ARHGAP42: variants seen among roughly 807,000 people sequenced by gnomAD.
ARHGAP42 encodes Rho GTPase activating protein 42, also known as rho GTPase-activating protein 42.
A neutral mutation model predicts 125.0 loss-of-function variants in ARHGAP42; 63 were observed. That is an observed-to-expected ratio of 0.50 (90% CI 0.41 to 0.62). The LOEUF is 0.62. Ranked by LOEUF, ARHGAP42 falls within the 20% of genes least tolerant of loss-of-function variation. The pLI, the probability that ARHGAP42 is intolerant of heterozygous loss-of-function variation, is 0.00. For missense variants in ARHGAP42, 766 were observed against 1,024.2 expected, an observed-to-expected ratio of 0.75 and a Z score of 3.44; for synonymous variants, 339 against 351.0, an observed-to-expected ratio of 0.97 and a Z score of 0.38.
At chr11:100,942,469 T>A (rs1867911855) in intron 9 of ARHGAP42, among the ~76,000 whole-genome samples, 1 of 152,160 alleles carries the variant, frequency 6.6e-6, no homozygotes, top group Admixed American at 6.6e-5. Flanking sequence ...GCAGAGAGCT[T>A]TATTGTCTGT....
intron 8 of ARHGAP42, among the ~76,000 whole-genome samples, chr11:100,939,727 G>T (rs989666981): frequency 6.6e-6 from 1 of 152,020 alleles, no homozygotes; most frequent in Non-Finnish European, 1.5e-5. Context: ...AGACATTTTT[G>T]GGAACTGTAG....
intron 17 of ARHGAP42, among the ~76,000 whole-genome samples, chr11:100,969,375 T>G (rs1158951750): frequency 6.6e-6 from 1 of 152,158 alleles, no homozygotes; most frequent in Non-Finnish European, 1.5e-5. Context: ...GTTGAGCTTC[T>G]TGGATATATA....
At chr11:100,870,549 A>T (rs984859029) in intron 4 of ARHGAP42, among the ~76,000 whole-genome samples, 1 of 152,192 alleles carries the variant, frequency 6.6e-6, no homozygotes, top group Non-Finnish European at 1.5e-5. Flanking sequence ...GTTCAGGGTC[A>T]TTGGGTTTCC....
At chr11:100,958,963 C>T (rs1292731796) in intron 12 of ARHGAP42, among the ~76,000 whole-genome samples, 1 of 151,680 alleles carries the variant, frequency 6.6e-6, no homozygotes, top group East Asian at 1.9e-4. Context: ...GTCTGGGGAT[C>T]TATTTTGAGT....
intron 1 of ARHGAP42, among the ~76,000 whole-genome samples, chr11:100,751,694 A>G (rs2120353327): frequency 6.7e-6 from 1 of 149,362 alleles, no homozygotes; most frequent in African/African-American, 2.5e-5. Flanking sequence ...CAGCTCTCCT[A>G]CCAGGCCAGC....
chr11:100,729,755 G>A (rs1434589405), intron 1 of ARHGAP42, among the ~76,000 whole-genome samples: 1 of 151,452 alleles, frequency 6.6e-6, no homozygotes, highest in African/African-American at 2.4e-5. Flanking sequence ...TGACTAGTAT[G>A]AATATCATGT....
chr11:100,895,889 G>A (rs1053669570), intron 4 of ARHGAP42, among the ~76,000 whole-genome samples: 2 of 151,846 alleles, frequency 1.3e-5, no homozygotes, highest in Admixed American at 1.3e-4. Context: ...TGTGCACAAC[G>A]TGTAGGATTG....
intron 1 of ARHGAP42, among the ~76,000 whole-genome samples, chr11:100,747,340 A>G (rs1428620434): frequency 6.6e-6 from 1 of 152,202 alleles, no homozygotes; most frequent in Non-Finnish European, 1.5e-5. Context: ...TGATTTTTAT[A>G]CCAGATAAGC....
chr11:100,688,336 C>A (rs150917731), intron 1 of ARHGAP42, among the ~76,000 whole-genome samples: 10 of 152,224 alleles, frequency 6.6e-5, no homozygotes, highest in African/African-American at 2.4e-4. Context: ...GCAGTTTTGC[C>A]ATTTTGTAAG....
At chr11:100,825,689 G>C (rs1864500753) in intron 3 of ARHGAP42, among the ~76,000 whole-genome samples, 1 of 152,102 alleles carries the variant, frequency 6.6e-6, no homozygotes, top group African/African-American at 2.4e-5. Flanking sequence ...TACGCAGCAT[G>C]CTCCTTAAAT....
intron 3 of ARHGAP42, among the ~76,000 whole-genome samples, chr11:100,836,560 T>G (rs1056548994): frequency 1.3e-5 from 2 of 152,096 alleles, no homozygotes; most frequent in African/African-American, 4.8e-5. Context: ...TTCCCTCTGC[T>G]TTTCCTAATA....
In ARHGAP42 at chr11:100,760,903, G is replaced by C. The variant is rs201782755; in HGVS notation, c.155-9440G>C. Among the ~76,000 whole-genome samples the C allele has an allele frequency of 4.6e-5, 7 of 152,112 alleles. No homozygotes were observed. The East Asian group carries it at 1.4e-3, about 29-fold the overall frequency. ...ATGTTAGGTAATAAAAGGAGAAATG[G>C]GCTGTAACTGAGGCTAACATACTGA... On this transcript the variant is annotated intron_variant, in intron 1 of 23. Coordinates refer to ENST00000298815, the MANE Select transcript of ARHGAP42 (RefSeq NM_152432.4).
intron 7 of ARHGAP42, among the ~76,000 whole-genome samples, chr11:100,935,812 T>C (rs1047652416): frequency 6.6e-6 from 1 of 152,108 alleles, no homozygotes; most frequent in African/African-American, 2.4e-5. Flanking sequence ...GCCAGAAGAA[T>C]CAAGGTCATC....
chr11:100,974,550 C>G lies in ARHGAP42; in HGVS notation c.1802C>G (p.Thr601Arg). 3.2e-6 allele frequency: 5 copies of G among 1,551,188 alleles called. No homozygotes were observed. Among genetic ancestry groups the G allele is most frequent in the Non-Finnish European group, 4.4e-6 (5 of 1,146,676 alleles). ...AGGACACGAGCAATCTGCCTCTCTA[C>G]AGGGTCTAGGAAGCCCAGAGGGAGG... ...SRRTRAICLS[T>R]GSRKPRGRYT... Residue 601 changes from threonine (T) to arginine (R), a missense_variant, in exon 19 of 24, where the codon ACA becomes AGA. This residue lies in a region of ARHGAP42 where 308 missense variants were observed against 369.7 expected (regional missense o/e 0.83). Coordinates refer to ENST00000298815, the MANE Select transcript of ARHGAP42 (RefSeq NM_152432.4).
Position 100,807,386 on chromosome 11 carries a change from G to A in ARHGAP42, c.312+12220G>A, listed in dbSNP as rs535812836. ...AATTTTTGTATTTTTAGTAGAGATAGGCTTTCACCACGTTGGCAAGGTTGG... is the reference window on the plus strand; with the variant it reads ...AATTTTTGTATTTTTAGTAGAGATAAGCTTTCACCACGTTGGCAAGGTTGG... On this transcript the variant is annotated intron_variant, in intron 3 of 23. Transcript: ENST00000298815. 3.9e-5 allele frequency among the ~76,000 whole-genome samples: 6 copies of A among 152,028 alleles called. No individual in the cohort carries two copies. The South Asian group carries it at 1.2e-3, about 32-fold the overall frequency.
chr11:100,977,455 T>C (rs1858422639), intron 21 of ARHGAP42, among the ~76,000 whole-genome samples: 1 of 152,150 alleles, frequency 6.6e-6, no homozygotes, highest in African/African-American at 2.4e-5. Context: ...ATGAGGAATA[T>C]GCAAGGCAAA....
At chr11:100,893,810 C>T (rs893693563) in intron 4 of ARHGAP42, among the ~76,000 whole-genome samples, 1 of 152,086 alleles carries the variant, frequency 6.6e-6, no homozygotes, top group African/African-American at 2.4e-5. Flanking sequence ...AACCCTATTT[C>T]TCAAGTCAAG....
intron 1 of ARHGAP42, among the ~76,000 whole-genome samples, chr11:100,733,471 A>G (rs1349036465): frequency 6.6e-6 from 1 of 152,234 alleles, no homozygotes; most frequent in Non-Finnish European, 1.5e-5. Flanking sequence ...GTGAGATCCC[A>G]TAAATTAGAT....
intron 1 of ARHGAP42, among the ~76,000 whole-genome samples, chr11:100,738,079 G>C (rs1395247890): frequency 2.0e-5 from 3 of 152,134 alleles, no homozygotes; most frequent in African/African-American, 7.2e-5. Context: ...ATATTTTGAT[G>C]GGAACTGGGA....
Sources: gnomAD v4.1 joint callset for allele counts (sites outside exome capture counted in the v4.1 genomes callset) on GRCh38, gnomAD v4.1.1 for gene constraint, gnomAD v4.1.1 regional missense constraint, MANE v1.5 for transcripts, NCBI Gene and HGNC (gene_info 2026-07-23, HGNC 2026-07-21) for gene names.